TPGS2: variants seen among roughly 807,000 people sequenced by gnomAD.
The protein encoded by TPGS2 is tubulin polyglutamylase complex subunit 2.
Under a neutral mutation model 31.1 loss-of-function variants are expected in TPGS2, and 26 were observed. The observed-to-expected ratio is 0.84, with a 90% CI of 0.61 to 1.16. The LOEUF (loss-of-function observed/expected upper bound fraction) is 1.16, where lower values mean the gene tolerates loss of function less well. TPGS2 is among the 50% of genes most tolerant of loss of function. The probability of loss-of-function intolerance (pLI) is 0.00; values close to 1 mark genes in which losing one functional copy is unlikely to be tolerated. For missense variants in TPGS2, 351 were observed against 363.8 expected (o/e 0.96, Z 0.29); for synonymous variants, 130 against 136.6 (o/e 0.95, Z 0.34).
intron 1 of TPGS2, among the ~76,000 whole-genome samples, chr18:36,826,442 G>GTGTGTGT: frequency 2.8e-5 from 4 of 144,784 alleles, no homozygotes; most frequent in South Asian, 2.3e-4. Context: ...GTGTGTGTGT[G>GTGTGTGT]GATTCCTTAG....
chr18:36,823,712 G>A (rs1029830396), intron 1 of TPGS2: 13 of 393,906 alleles, frequency 3.3e-5, no homozygotes, highest in African/African-American at 4.4e-5. Flanking sequence ...TGCCCGCCTC[G>A]GCCTCCCAAA....
intron 2 of TPGS2, among the ~76,000 whole-genome samples, chr18:36,816,694 C>T (rs1368031875): frequency 3.3e-5 from 5 of 152,150 alleles, no homozygotes; most frequent in East Asian, 3.9e-4. Context: ...CTACAACCTC[C>T]GCCTCCCAGG....
downstream of TPGS2, among the ~76,000 whole-genome samples, chr18:36,793,417 G>C (rs1250465137): frequency 6.6e-6 from 1 of 152,124 alleles, no homozygotes; most frequent in Non-Finnish European, 1.5e-5. Context: ...GCCCCAACAG[G>C]CTGCACTTCC....
chr18:36,828,446 G>C (rs901613691), intron 1 of TPGS2, among the ~76,000 whole-genome samples: 1 of 152,114 alleles, frequency 6.6e-6, no homozygotes, highest in African/African-American at 2.4e-5. Flanking sequence ...CTTGGTTGGC[G>C]GTGAGTGGGG....
At chr18:36,789,204 A>T (rs1184062510), downstream of TPGS2, 1 of 152,012 alleles carries the variant, frequency 6.6e-6, no homozygotes, top group Non-Finnish European at 1.5e-5. Flanking sequence ...GTTTTAGGTT[A>T]AAAAAAAGTC....
Position 36,794,721 on chromosome 18 carries a change from G to A in TPGS2, c.*2084C>T. 2.0e-6 allele frequency: 2 copies of A among 985,194 alleles called. No individual in the cohort carries two copies. The highest frequency in any genetic ancestry group is 2.4e-6 in the Non-Finnish European group (2 of 829,912). 61.0% of individuals were successfully genotyped at this position (985,194 alleles called of 1,614,324 possible). ...ACTTGGTCTCTCTATATCCTTTTCT[G>A]CCACTCCATGAATTGTTGCACATTT... On this transcript the variant is annotated 3_prime_UTR_variant, in exon 7 of 7. Coordinates refer to ENST00000334295, the MANE Select transcript of TPGS2 (RefSeq NM_015476.4).
In TPGS2 at chr18:36,795,092, C is replaced by T. The variant is rs2044465798; in HGVS notation, c.*1713G>A. ...GCTTGCCCTGATCCTTGAAGGCTAA[C>T]TCTTCACCTTGGTTTTCCTCAGGGG... On this transcript the variant is annotated 3_prime_UTR_variant, in exon 7 of 7. Coordinates refer to ENST00000334295, the MANE Select transcript of TPGS2 (RefSeq NM_015476.4). The T allele has an allele frequency of 1.0e-6, 1 of 985,336 alleles. No homozygotes were observed. The highest frequency in any genetic ancestry group is 1.7e-5 in the African/African-American group (1 of 57,246). The allele number at this position is 985,336 out of a possible 1,614,324, so 61.0% of individuals were successfully genotyped here. A position where few individuals can be genotyped will look rare whatever the true frequency, so the allele number is the denominator to read the frequency against.
At chr18:36,807,744 A>G in intron 3 of TPGS2, 103 bp downstream of exon 3, 1 of 1,065,466 alleles carries the variant, frequency 9.4e-7, no homozygotes, top group Middle Eastern at 2.2e-4. Context: ...GGCACCCATG[A>G]AAACCATCCA....
chr18:36,807,947 A>G lies in TPGS2; in HGVS notation c.166-13T>C, dbSNP rs550450282. ...CACAGTTATTCTTCTAGAATCACAAAGCAGCTAAGTGTTAGGTAAGGGCTG... is the reference window on the plus strand; with the variant it reads ...CACAGTTATTCTTCTAGAATCACAAGGCAGCTAAGTGTTAGGTAAGGGCTG... On this transcript the variant is annotated splice_polypyrimidine_tract_variant and intron_variant, in intron 2 of 6. Coordinates refer to ENST00000334295, the MANE Select transcript of TPGS2 (RefSeq NM_015476.4). 1 of 1,614,090 alleles carries G rather than the reference A, an allele frequency of 6.2e-7. No homozygotes were observed. Among genetic ancestry groups the G allele is most frequent in the African/African-American group, 1.3e-5 (1 of 75,054 alleles).
chr18:36,792,205 ATAATCTTT>A (rs1385832230), downstream of TPGS2, among the ~76,000 whole-genome samples: 7 of 152,210 alleles, frequency 4.6e-5, no homozygotes, highest in African/African-American at 1.7e-4. Flanking sequence ...GAAAAAAGTT[ATAATCTTT>A]AGAGCAATTG....
chr18:36,826,012 A>G (rs1257829422), intron 1 of TPGS2, among the ~76,000 whole-genome samples: 2 of 152,152 alleles, frequency 1.3e-5, no homozygotes, highest in South Asian at 2.1e-4. Context: ...AGTCATGGAC[A>G]TCTTGTGTTA....
intron 1 of TPGS2, among the ~76,000 whole-genome samples, chr18:36,825,521 A>T (rs757773284): frequency 1.3e-5 from 2 of 151,908 alleles, no homozygotes; most frequent in Non-Finnish European, 2.9e-5. Context: ...CTACATTTCT[A>T]GTTTTATGCC....
intron 2 of TPGS2, 55 bp downstream of exon 2, chr18:36,818,839 A>G: frequency 6.8e-7 from 1 of 1,477,308 alleles, no homozygotes; most frequent in Non-Finnish European, 9.3e-7. Context: ...CTTCTCAGGG[A>G]CATTTACACT....
intron 5 of TPGS2, among the ~76,000 whole-genome samples, chr18:36,798,976 G>GA (rs2044671960): frequency 6.6e-6 from 1 of 152,170 alleles, no homozygotes; most frequent in African/African-American, 2.4e-5. Flanking sequence ...TCCTGAGAGA[G>GA]AAAAACACTG....
chr18:36,805,625 A>C, intron 3 of TPGS2, 123 bp from the exon 4 acceptor site: 1 of 1,328,150 alleles, frequency 7.5e-7, no homozygotes, highest in Admixed American at 1.9e-5. Context: ...GACGAATCTG[A>C]TGGAAGGTGG....
Position 36,795,093 on chromosome 18 carries a change from T to TCC in TPGS2, c.*1711_*1712insGG. The stretch of plus-strand genomic sequence containing the variant: ...CTTGCCCTGATCCTTGAAGGCTAAC[T>TCC]CTTCACCTTGGTTTTCCTCAGGGGC... On this transcript the variant is annotated 3_prime_UTR_variant, in exon 7 of 7. Transcript: ENST00000334295. 2 of 985,472 alleles carry TCC rather than the reference T, an allele frequency of 2.0e-6. No homozygotes were observed. Among genetic ancestry groups the TCC allele is most frequent in the Non-Finnish European group, 2.4e-6 (2 of 829,934 alleles). 61.0% of individuals were successfully genotyped at this position (985,472 alleles called of 1,614,324 possible). A position where few individuals can be genotyped will look rare whatever the true frequency, so the allele number is the denominator to read the frequency against.
downstream of TPGS2, among the ~76,000 whole-genome samples, chr18:36,791,160 CCTTCCT>C (rs1329166413): frequency 3.3e-5 from 5 of 152,190 alleles, no homozygotes; most frequent in African/African-American, 1.2e-4. Context: ...TTCCCCTTCC[CCTTCCT>C]CTTCAGCCAT....
chr18:36,805,684 CA>C (rs1031641569), intron 3 of TPGS2, among the ~76,000 whole-genome samples, 182 bp from the exon 4 acceptor site: 1 of 151,756 alleles, frequency 6.6e-6, no homozygotes, highest in African/African-American at 2.4e-5. Flanking sequence ...ACCTTTCATA[CA>C]AAAAAAGGAA....
chr18:36,816,500 T>C (rs1319750097), intron 2 of TPGS2, among the ~76,000 whole-genome samples: 1 of 152,180 alleles, frequency 6.6e-6, no homozygotes, highest in African/African-American at 2.4e-5. Context: ...AGCAACATAA[T>C]AGTGTTCCAC....
Sources: allele counts gnomAD v4.1 joint callset (sites outside exome capture counted in the v4.1 genomes callset), GRCh38; gene constraint gnomAD v4.1.1; transcripts MANE v1.5; gene names NCBI Gene and HGNC (gene_info 2026-07-23, HGNC 2026-07-21).